TNFAIP3: variants seen among roughly 807,000 people sequenced by gnomAD.
TNFAIP3 encodes the protein TNF alpha induced protein 3.
Under a neutral mutation model 72.4 loss-of-function variants are expected in TNFAIP3, and 9 were observed. That is an observed-to-expected ratio of 0.12 (90% CI 0.07 to 0.22). TNFAIP3 has a LOEUF of 0.22. TNFAIP3 is among the 10% of genes least tolerant of loss of function. The probability of loss-of-function intolerance (pLI) is 1.00; values close to 1 mark genes in which losing one functional copy is unlikely to be tolerated. For synonymous variants in TNFAIP3, 339 were observed against 372.6 expected (o/e 0.91, Z 1.04); for missense variants, 833 against 1,018.7 (o/e 0.82, Z 2.48).
chr6:137,869,289 G>T (rs748616146), intron 1 of TNFAIP3, among the ~76,000 whole-genome samples: 1 of 152,034 alleles, frequency 6.6e-6, no homozygotes, highest in Non-Finnish European at 1.5e-5. Context: ...TTGGCCTTCA[G>T]TAGGTGGTCA....
intron 1 of TNFAIP3, among the ~76,000 whole-genome samples, chr6:137,869,331 A>ATGGGTGGATGGG (rs1775959914): frequency 4.1e-5 from 6 of 147,460 alleles, no homozygotes; most frequent in African/African-American, 1.5e-4. Context: ...GGGTGGATGG[A>ATGGGTGGATGGG]TGGATAGATG....
At chr6:137,866,652 G>A (rs1775844164), upstream of TNFAIP3, 1 of 152,344 alleles carries the variant, frequency 6.6e-6, no homozygotes, top group South Asian at 2.1e-4. Flanking sequence ...GTCCAGAGCT[G>A]GCAGGAACAA....
At chr6:137,877,940 T>C (rs1415302291) in intron 6 of TNFAIP3, among the ~76,000 whole-genome samples, 5 of 152,226 alleles carry the variant, frequency 3.3e-5, no homozygotes, top group African/African-American at 9.6e-5. Context: ...TCTTAGTTAC[T>C]CATGGCTGCT....
intron 3 of TNFAIP3, 146 bp from the exon 4 acceptor site, chr6:137,875,542 G>A (rs1444295018): frequency 1.9e-6 from 2 of 1,077,976 alleles, no homozygotes; most frequent in Non-Finnish European, 2.6e-6. Context: ...GGAAAAAAGG[G>A]TGATCATTTG....
Position 137,876,010 on chromosome 6 carries a change from A to C in TNFAIP3, c.649A>C (p.Ser217Arg), listed in dbSNP as rs1276578378. ...IIVISDKMLR[S>R]LESGSNFAPL... ...TCTTTGAACAGACAAAATGCTAAGA[A>C]GTTTGGAATCAGGTTCCAATTTCGC... Residue 217 changes from serine (S) to arginine (R), a missense_variant, in exon 5 of 9, where the codon AGT becomes CGT. By Grantham distance (110) the Ser-to-Arg change is moderately radical (BLOSUM62 -1). This residue lies in a region of TNFAIP3 where 246 missense variants were observed against 360.9 expected (regional missense o/e 0.68). Transcript: ENST00000612899. 1 of 1,613,182 alleles carries C rather than the reference A, an allele frequency of 6.2e-7. No individual in the cohort carries two copies.
Position 137,871,620 on chromosome 6 carries a change from A to C in TNFAIP3, c.295+98A>C. On this transcript the variant is annotated intron_variant, in intron 2 of 8. Transcript: ENST00000612899. The surrounding 1 kb of genome is among the most constrained non-coding windows in gnomAD (Gnocchi z 4.2). ...TTTAATAGGACAAGCCCAAACTCAA[A>C]TCAATCTTGAGATTTAGTATTGAGA... 7.4e-7 allele frequency: 1 copy of C among 1,351,318 alleles called. No individual in the cohort carries two copies. The highest frequency in any genetic ancestry group is 1.0e-6 in the Non-Finnish European group (1 of 987,248). 83.7% of individuals were successfully genotyped at this position (1,351,318 alleles called of 1,614,324 possible). A position where few individuals can be genotyped will look rare whatever the true frequency, so the allele number is the denominator to read the frequency against.
chr6:137,873,312 T>C (rs1776125423), intron 2 of TNFAIP3, among the ~76,000 whole-genome samples: 1 of 152,132 alleles, frequency 6.6e-6, no homozygotes, highest in Admixed American at 6.5e-5. Flanking sequence ...CAAGTTTGCA[T>C]TTGAGGATAT....
At chr6:137,880,944 A>G (rs1232575615) in intron 8 of TNFAIP3, 91 bp from the exon 9 acceptor site, 3 of 1,416,006 alleles carry the variant, frequency 2.1e-6, no homozygotes, top group Non-Finnish European at 9.6e-7. Flanking sequence ...TAGACTCCAC[A>G]CTCTCCAATG....
At chr6:137,872,419 A>T (rs1582886167) in intron 2 of TNFAIP3, among the ~76,000 whole-genome samples, 1 of 152,344 alleles carries the variant, frequency 6.6e-6, no homozygotes, top group East Asian at 1.9e-4. Flanking sequence ...AGGTCCTTAT[A>T]TCTGTGACAG....
chr6:137,880,326 G>A, intron 8 of TNFAIP3, 74 bp downstream of exon 8: 3 of 1,505,894 alleles, frequency 2.0e-6, no homozygotes, highest in Non-Finnish European at 2.7e-6. Flanking sequence ...TCTACCGACA[G>A]TGACAAGCAG....
chr6:137,877,765 C>A (rs1362359490), intron 6 of TNFAIP3, among the ~76,000 whole-genome samples: 2 of 152,186 alleles, frequency 1.3e-5, no homozygotes, highest in African/African-American at 4.8e-5. Context: ...GTGCAGGTAT[C>A]CGGTCTTTAA....
chr6:137,869,333 G>GGATA (rs1156964008), intron 1 of TNFAIP3, among the ~76,000 whole-genome samples: 1 of 142,948 alleles, frequency 7.0e-6, no homozygotes, highest in East Asian at 2.1e-4. Context: ...GTGGATGGAT[G>GGATA]GATAGATGGA....
rs141837650 is a variant in TNFAIP3 at position 137,878,750 on chromosome 6, C to T, written c.1305C>T (p.Leu435=). 2.2e-5 allele frequency: 35 copies of T among 1,614,028 alleles called. 1 individual carries two copies. In the South Asian group the frequency reaches 3.0e-4, roughly 14 times the overall value. Residue 435 remains leucine, a synonymous_variant, in exon 7 of 9, where the codon CTC becomes CTT. Coordinates refer to ENST00000612899, the MANE Select transcript of TNFAIP3 (RefSeq NM_001270508.2). Reference sequence around the variant, plus strand: ...CTGAGGGGCTCCCTGGCATGGCGCTCGGGGCCTCTCGGGGAGAAGCCTATG... The same window carrying T: ...CTGAGGGGCTCCCTGGCATGGCGCTTGGGGCCTCTCGGGGAGAAGCCTATG... ...PGPEGLPGMA[L]GASRGEAYEP...
Position 137,879,253 on chromosome 6 carries a change from G to A in TNFAIP3, c.1808G>A (p.Gly603Glu), listed in dbSNP as rs1461891321. 1 of 1,614,050 alleles carries A rather than the reference G, an allele frequency of 6.2e-7. No homozygotes were observed. Among genetic ancestry groups the A allele is most frequent in the Non-Finnish European group, 8.5e-7 (1 of 1,180,022 alleles). The change falls in exon 7 of 9, where the codon GGG becomes GAG. Residue 603 changes from glycine (G) to glutamate (E), a missense_variant. Transcript: ENST00000612899. The part of the protein sequence containing the change: ...QAARTPGDRT[G>E]TSKCRKAGCV... ...GCACGGACTCCTGGGGACAGGACGG[G>A]GACGAGCAAGTGCAGAAAAGCCGGC...
At chr6:137,880,352 A>G (rs1300390851) in intron 8 of TNFAIP3, 100 bp downstream of exon 8, 2 of 1,267,358 alleles carry the variant, frequency 1.6e-6, no homozygotes, top group East Asian at 2.4e-5. Flanking sequence ...CCTCTCTGCC[A>G]GGTTCTGTCT....
rs552586359 is a variant in TNFAIP3 at position 137,882,732 on chromosome 6, G to A, written c.*1413G>A. ...CACTGTGTCCTGGGGGGGCTGGGAA[G>A]TCCCCTGCATCCCATGGTACCCTGG... is the stretch of plus-strand genomic sequence containing the variant. On this transcript the variant is annotated 3_prime_UTR_variant, in exon 9 of 9. Transcript: ENST00000612899. The A allele has an allele frequency of 5.6e-5, 13 of 232,532 alleles. No homozygotes were observed. Among genetic ancestry groups the A allele is most frequent in the African/African-American group, 2.6e-4 (12 of 45,386 alleles). 14.4% of individuals were successfully genotyped at this position (232,532 alleles called of 1,614,324 possible). A position where few individuals can be genotyped will look rare whatever the true frequency, so the allele number is the denominator to read the frequency against.
Position 137,871,392 on chromosome 6 carries a change from G to T in TNFAIP3, c.165G>T (p.Gln55His). The T allele has an allele frequency of 6.2e-7, 1 of 1,614,190 alleles. No individual in the cohort carries two copies. The highest frequency in any genetic ancestry group is 8.5e-7 in the Non-Finnish European group (1 of 1,180,028). ...CACTGGAAATGTTCAGAACTTGCCAGTTTTGTCCTCAGTTTCGGGAGATCA... is the reference window on the plus strand; with the variant it reads ...CACTGGAAATGTTCAGAACTTGCCATTTTTGTCCTCAGTTTCGGGAGATCA... ...RYTLEMFRTC[Q>H]FCPQFREIIH... The change falls in exon 2 of 9, where the codon CAG becomes CAT. Residue 55 changes from glutamine (Q) to histidine (H), a missense_variant. Transcript: ENST00000612899. This position sits in a 1 kb window ranked among gnomAD's most constrained non-coding sequence, Gnocchi z 4.2.
chr6:137,878,224 C>A (rs991237673), intron 6 of TNFAIP3, among the ~76,000 whole-genome samples: 1 of 152,216 alleles, frequency 6.6e-6, no homozygotes, highest in African/African-American at 2.4e-5. Context: ...TAACTGACAT[C>A]ATTCTTGACT....
At chr6:137,872,971 G>GA (rs1029423483) in intron 2 of TNFAIP3, among the ~76,000 whole-genome samples, 88 of 144,376 alleles carry the variant, frequency 6.1e-4, no homozygotes, top group East Asian at 5.0e-3. Flanking sequence ...ATTTCCACTA[G>GA]AAAAAAAAAA....
Sources: gnomAD v4.1 joint callset for allele counts (sites outside exome capture counted in the v4.1 genomes callset) on GRCh38, gnomAD v4.1.1 for gene constraint, gnomAD v4.1.1 regional missense constraint, Gnocchi (gnomAD v3.1) non-coding constraint, MANE v1.5 for transcripts, NCBI Gene and HGNC (gene_info 2026-07-23, HGNC 2026-07-21) for gene names.